Variants in RASSF8 observed in about 807,000 individuals in gnomAD.
RASSF8 encodes Ras association domain family member 8.
In RASSF8, 22 loss-of-function variants were observed where a neutral mutation model predicts 48.5. The observed-to-expected ratio is 0.45, with a 90% CI of 0.32 to 0.65. RASSF8 has a LOEUF of 0.65. RASSF8 is among the 30% of genes least tolerant of loss of function. The pLI is 0.03. For missense variants in RASSF8, 418 were observed against 489.2 expected (o/e 0.85, Z 1.37); for synonymous variants, 127 against 171.5 (o/e 0.74, Z 2.03).
intron 1 of RASSF8, among the ~76,000 whole-genome samples, chr12:25,966,108 A>G (rs560420916): frequency 1.3e-5 from 2 of 152,190 alleles, no homozygotes; most frequent in Non-Finnish European, 2.9e-5. Context: ...AGAAACTGCC[A>G]AACTGTTTTC....
At chr12:26,020,362 G>A (rs1035711631) in intron 2 of RASSF8, 1 of 152,176 alleles carries the variant, frequency 6.6e-6, no homozygotes, top group Non-Finnish European at 1.5e-5. Context: ...CCAGAACTAT[G>A]AGAGGAAAAT....
chr12:25,972,250 C>T (rs1941501877), intron 1 of RASSF8, among the ~76,000 whole-genome samples: 1 of 152,072 alleles, frequency 6.6e-6, no homozygotes. Flanking sequence ...TAAGTACTGA[C>T]CATATTCAGG....
At chr12:26,025,487 G>A (rs920676707) in intron 2 of RASSF8, among the ~76,000 whole-genome samples, 3 of 151,348 alleles carry the variant, frequency 2.0e-5, no homozygotes, top group Admixed American at 6.6e-5. Context: ...GCGTGAACCC[G>A]GGAGATGGAG....
chr12:26,042,756 C>G (rs1476950319), intron 2 of RASSF8, among the ~76,000 whole-genome samples: 1 of 151,778 alleles, frequency 6.6e-6, no homozygotes, highest in Non-Finnish European at 1.5e-5. Flanking sequence ...TTTATGAAAC[C>G]ACAAATTGTA....
intron 2 of RASSF8, among the ~76,000 whole-genome samples, chr12:26,048,711 C>A (rs996023860): frequency 6.6e-6 from 1 of 152,006 alleles, no homozygotes; most frequent in African/African-American, 2.4e-5. Context: ...TTCTTCCTCT[C>A]TCACCTTTTT....
At chr12:25,979,325 C>T (rs768713384) in intron 1 of RASSF8, among the ~76,000 whole-genome samples, 9 of 151,908 alleles carry the variant, frequency 5.9e-5, no homozygotes, top group Non-Finnish European at 1.2e-4. Context: ...TCCCTAGAAA[C>T]AAAGGGGAAA....
At chr12:26,037,123 A>G (rs1943170067) in intron 2 of RASSF8, among the ~76,000 whole-genome samples, 1 of 152,206 alleles carries the variant, frequency 6.6e-6, no homozygotes, top group African/African-American at 2.4e-5. Flanking sequence ...TAAAAGCCGT[A>G]AAGATTAAAT....
At chr12:26,027,504 T>G (rs1268805117) in intron 2 of RASSF8, among the ~76,000 whole-genome samples, 1 of 152,210 alleles carries the variant, frequency 6.6e-6, no homozygotes, top group East Asian at 1.9e-4. Context: ...GAATGGGTAT[T>G]TATCTGGTTA....
chr12:26,013,115 G>A (rs1374890251), intron 2 of RASSF8, among the ~76,000 whole-genome samples: 1 of 152,134 alleles, frequency 6.6e-6, no homozygotes, highest in Non-Finnish European at 1.5e-5. Context: ...TCAGCAGCAT[G>A]TTTTCCACAG....
chr12:25,990,197 T>C (rs12227480), intron 1 of RASSF8, among the ~76,000 whole-genome samples: 1 of 151,956 alleles, frequency 6.6e-6, no homozygotes, highest in Non-Finnish European at 1.5e-5. Context: ...GTAAAAAAAA[T>C]TACAGCCATA....
intron 3 of RASSF8, among the ~76,000 whole-genome samples, chr12:26,064,294 A>G (rs900441328): frequency 1.3e-5 from 2 of 152,210 alleles, no homozygotes; most frequent in African/African-American, 2.4e-5. Context: ...AGTATGTGCA[A>G]TACACATCTT....
At chr12:26,065,444 A>T in intron 4 of RASSF8, 57 bp downstream of exon 4, 2 of 1,496,352 alleles carry the variant, frequency 1.3e-6, no homozygotes, top group Non-Finnish European at 1.8e-6. Context: ...ATCTTCTTGG[A>T]ATCTCCTTTT....
chr12:26,024,512 A>G (rs1942860255), intron 2 of RASSF8, among the ~76,000 whole-genome samples: 2 of 152,248 alleles, frequency 1.3e-5, no homozygotes, highest in Non-Finnish European at 2.9e-5. Flanking sequence ...AAAACTTTAC[A>G]AGAAAACTAC....
At chr12:26,043,709 G>A (rs1943313857) in intron 2 of RASSF8, among the ~76,000 whole-genome samples, 1 of 152,150 alleles carries the variant, frequency 6.6e-6, no homozygotes, top group Non-Finnish European at 1.5e-5. Flanking sequence ...AATAAATTGT[G>A]GTTTGTTTAT....
chr12:26,073,772 C>CACACATAT (rs1944042018), downstream of RASSF8, among the ~76,000 whole-genome samples: 1 of 133,292 alleles, frequency 7.5e-6, no homozygotes, highest in African/African-American at 2.9e-5. Context: ...CACACACACA[C>CACACATAT]ACACATATAT....
chr12:26,045,460 G>A (rs58882782), intron 2 of RASSF8, among the ~76,000 whole-genome samples: 10,527 of 152,042 alleles, frequency 0.069, 398 homozygotes, highest in East Asian at 0.12. Context: ...TTTTATTACC[G>A]TTTCCTCACA....
chr12:26,073,821 T>TACACACACACAC (rs757140768), downstream of RASSF8, among the ~76,000 whole-genome samples: 2 of 65,238 alleles, frequency 3.1e-5, no homozygotes, highest in South Asian at 3.9e-4. Context: ...TATATACACA[T>TACACACACACAC]ACACACACAC....
intron 1 of RASSF8, among the ~76,000 whole-genome samples, chr12:25,994,523 C>T (rs1440408435): frequency 1.3e-5 from 2 of 152,188 alleles, no homozygotes; most frequent in East Asian, 3.8e-4. Flanking sequence ...CCAAGTTACC[C>T]TCTTTCTTAG....
intron 2 of RASSF8, among the ~76,000 whole-genome samples, chr12:26,016,510 G>A (rs1377014653): frequency 2.0e-5 from 3 of 152,122 alleles, no homozygotes; most frequent in Non-Finnish European, 4.4e-5. Flanking sequence ...TACAGGAAGG[G>A]GAGTGATCTT....
Sources: allele counts gnomAD v4.1 joint callset (sites outside exome capture counted in the v4.1 genomes callset), GRCh38; gene constraint gnomAD v4.1.1; transcripts MANE v1.5; gene names NCBI Gene and HGNC (gene_info 2026-07-23, HGNC 2026-07-21).